RGS6: variants seen among roughly 807,000 people sequenced by gnomAD.
RGS6 encodes regulator of G protein signaling 6.
Under a neutral mutation model 78.5 loss-of-function variants are expected in RGS6, and 30 were observed. The ratio of observed to expected loss-of-function variants is 0.38; its 90% CI spans 0.29 to 0.52. The LOEUF is 0.52. Ranked by LOEUF, RGS6 falls within the 20% of genes least tolerant of loss-of-function variation. The pLI, the probability that RGS6 is intolerant of heterozygous loss-of-function variation, is 0.85. For missense variants in RGS6, 495 were observed against 609.7 expected (o/e 0.81, Z 1.98); for synonymous variants, 206 against 206.0 (o/e 1.00, Z 0.00).
chr14:72,359,378 G>A (rs986401706), intron 3 of RGS6, among the ~76,000 whole-genome samples: 1 of 152,150 alleles, frequency 6.6e-6, no homozygotes, highest in Non-Finnish European at 1.5e-5. Flanking sequence ...GGGTGCCAGG[G>A]GTTGGGGTGG....
intron 2 of RGS6, among the ~76,000 whole-genome samples, chr14:72,121,280 T>C (rs2096045307): frequency 6.6e-6 from 1 of 152,232 alleles, no homozygotes; most frequent in African/African-American, 2.4e-5. Flanking sequence ...ACTTTTCTTG[T>C]ACCATGCTTT....
intron 7 of RGS6, among the ~76,000 whole-genome samples, chr14:72,466,896 C>G (rs958347302): frequency 1.3e-5 from 2 of 152,228 alleles, no homozygotes; most frequent in Admixed American, 6.5e-5. Flanking sequence ...TATACCCACT[C>G]TCCTGTGCTT....
chr14:72,292,270 C>G (rs953457420), intron 2 of RGS6, among the ~76,000 whole-genome samples: 1 of 152,194 alleles, frequency 6.6e-6, no homozygotes, highest in Non-Finnish European at 1.5e-5. Flanking sequence ...GTTCTCCTCC[C>G]CTCTCTTCTG....
At chr14:72,422,764 C>G (rs896176626) in intron 3 of RGS6, among the ~76,000 whole-genome samples, 1 of 152,120 alleles carries the variant, frequency 6.6e-6, no homozygotes, top group African/African-American at 2.4e-5. Flanking sequence ...CAGAGGAGGT[C>G]AAACACAAGT....
rs1047886626 is a variant in RGS6 at position 72,526,393 on chromosome 14, C to T, written c.1278+7856C>T. Among the ~76,000 whole-genome samples, 18 of 152,340 alleles carry T rather than the reference C, an allele frequency of 1.2e-4. No individual in the cohort carries two copies. The East Asian group carries it at 2.5e-3, about 21-fold the overall frequency. The stretch of plus-strand genomic sequence containing the variant: ...GTGCTGGGATTACAGGCATGAGCCA[C>T]TGCGCCTGGCCAGGAAAACACTTTT... On this transcript the variant is annotated intron_variant, in intron 15 of 17. Coordinates refer to ENST00000553525, the MANE Select transcript of RGS6 (RefSeq NM_001204424.2).
chr14:72,448,988 G>C (rs1423414468), intron 3 of RGS6, among the ~76,000 whole-genome samples: 1 of 152,152 alleles, frequency 6.6e-6, no homozygotes, highest in South Asian at 2.1e-4. Context: ...CTCTGGCCTG[G>C]TACACCATGG....
the RGS6 span, among the ~76,000 whole-genome samples, chr14:72,597,615 A>G: frequency 3.5e-5 from 5 of 144,050 alleles, no homozygotes; most frequent in African/African-American, 1.2e-4. Context: ...ACACATAATA[A>G]TTGTCCATAT....
In RGS6 at chr14:72,095,037, G is replaced by A. The variant is rs114598820; in HGVS notation, c.84+130162G>A. Reference sequence around the variant, plus strand: ...TGAGTAGTTGGCTCTTCCTTGGTACGAGGCTATTTAAATGACAGGTCCTTT... The same window carrying A: ...TGAGTAGTTGGCTCTTCCTTGGTACAAGGCTATTTAAATGACAGGTCCTTT... On this transcript the variant is annotated intron_variant, in intron 2 of 17. Transcript: ENST00000553525. Among the ~76,000 whole-genome samples, 1,088 of 152,060 alleles carry A rather than the reference G, an allele frequency of 7.2e-3. 7 individuals are homozygous for A. The highest frequency in any genetic ancestry group is 0.024 in the African/African-American group (993 of 41,460).
chr14:71,974,281 A>G (rs1006857674), intron 2 of RGS6, among the ~76,000 whole-genome samples: 13 of 152,232 alleles, frequency 8.5e-5, no homozygotes, highest in African/African-American at 3.1e-4. Context: ...GATTACTTTT[A>G]AAAGTTCTGT....
rs530430369 is a variant in RGS6, at chr14:72,556,798, TATTA to T, written c.1423-5615_1423-5612del. On this transcript the variant is annotated intron_variant, in intron 17 of 17. Transcript: ENST00000553525. ...TTTAAGTATTCATGAATGTACCATTTATTAATTCTTTAATCAGTGAACGTCTCTT... is the reference window on the plus strand; with the variant it reads ...TTTAAGTATTCATGAATGTACCATTTATTCTTTAATCAGTGAACGTCTCTT... 5.9e-5 allele frequency among the ~76,000 whole-genome samples: 9 copies of T among 152,368 alleles called. No homozygotes were observed. In the East Asian group the frequency reaches 9.6e-4, roughly 16 times the overall value.
intron 1 of RGS6, among the ~76,000 whole-genome samples, chr14:71,942,833 AG>A (rs1296842550): frequency 1.3e-5 from 2 of 152,134 alleles, no homozygotes; most frequent in Non-Finnish European, 2.9e-5. Context: ...CTTCAAAAAA[AG>A]TGTAAATATT....
At chr14:72,130,371 A>G (rs981514702) in intron 2 of RGS6, among the ~76,000 whole-genome samples, 3 of 152,094 alleles carry the variant, frequency 2.0e-5, no homozygotes, top group African/African-American at 7.2e-5. Flanking sequence ...TTGGCCATTG[A>G]TGGTTAACTC....
chr14:72,154,487 C>T (rs1039086281), intron 2 of RGS6, among the ~76,000 whole-genome samples: 1 of 151,848 alleles, frequency 6.6e-6, no homozygotes, highest in African/African-American at 2.4e-5. Context: ...TCTGCTGTGG[C>T]TCCAGCCAGT....
At chr14:72,182,499 A>G (rs75152694) in intron 2 of RGS6, among the ~76,000 whole-genome samples, 11 of 152,272 alleles carry the variant, frequency 7.2e-5, no homozygotes, top group African/African-American at 2.6e-4. Context: ...GCAAAATTTA[A>G]AATGCTAGGT....
At chr14:72,038,012 C>T (rs1198531973) in intron 2 of RGS6, among the ~76,000 whole-genome samples, 2 of 137,230 alleles carry the variant, frequency 1.5e-5, no homozygotes, top group Non-Finnish European at 3.2e-5. Context: ...GCTCTGTTGC[C>T]CAGGCTGGAG....
chr14:71,995,257 C>A (rs1442873387), intron 2 of RGS6, among the ~76,000 whole-genome samples: 1 of 152,194 alleles, frequency 6.6e-6, no homozygotes, highest in South Asian at 2.1e-4. Flanking sequence ...CTATGTTCTT[C>A]TGGAAAATAA....
the RGS6 span, among the ~76,000 whole-genome samples, chr14:71,869,619 C>T: frequency 5.3e-5 from 8 of 152,240 alleles, no homozygotes; most frequent in South Asian, 1.7e-3. Context: ...TTTTGAAAGA[C>T]AGAAAACCCA....
At chr14:72,497,970 A>C (rs1381480010) in intron 13 of RGS6, among the ~76,000 whole-genome samples, 1 of 151,930 alleles carries the variant, frequency 6.6e-6, no homozygotes, top group African/African-American at 2.4e-5. Context: ...TCCATCTTTT[A>C]GTCTTTTTAT....
intron 2 of RGS6, among the ~76,000 whole-genome samples, chr14:71,969,600 T>C (rs868259890): frequency 1.1e-4 from 16 of 152,362 alleles, no homozygotes; most frequent in African/African-American, 3.8e-4. Flanking sequence ...TTCTACTTCT[T>C]GTTTTGTTTT....
Sources: gnomAD v4.1 joint callset for allele counts (sites outside exome capture counted in the v4.1 genomes callset) on GRCh38, gnomAD v4.1.1 for gene constraint, MANE v1.5 for transcripts, NCBI Gene and HGNC (gene_info 2026-07-23, HGNC 2026-07-21) for gene names.